SLC49A3: variants seen among roughly 807,000 people sequenced by gnomAD.
SLC49A3 encodes solute carrier family 49 member 3.
A neutral mutation model predicts 43.8 loss-of-function variants in SLC49A3; 50 were observed. The ratio of observed to expected loss-of-function variants is 1.14; its 90% confidence interval spans 0.91 to 1.45. SLC49A3 has a LOEUF of 1.45. SLC49A3 is among the 40% of genes most tolerant of loss of function. SLC49A3 has a pLI of 0.00. For missense variants in SLC49A3, 906 were observed against 774.1 expected (o/e 1.17, Z -2.02); for synonymous variants, 413 against 352.0 (o/e 1.17, Z -1.94).
chr4:687,147 G>C (rs1193930011), intron 1 of SLC49A3: 1 of 172,910 alleles, frequency 5.8e-6, no homozygotes, highest in South Asian at 1.2e-4. Context: ...CCAGCCACAG[G>C]CATTATCAAG....
chr4:678,189 T>C, downstream of SLC49A3: 2 of 1,530,116 alleles, frequency 1.3e-6, no homozygotes, highest in Non-Finnish European at 1.8e-6. Context: ...TGAGCGTGTG[T>C]ATGTGCGTGT....
At position 683,314 on chromosome 4, in the gene SLC49A3, G is replaced by C. The variant is rs61031375; in HGVS notation, c.1047C>G (p.Leu349=). 6.2e-7 allele frequency: 1 copy of C among 1,612,492 alleles called. No individual in the cohort carries two copies. Among genetic ancestry groups the C allele is most frequent in the Admixed American group, 1.7e-5 (1 of 59,984 alleles). ...GGCCCACCGAGAAGCCAAACAGCCC[G>C]AGCAGCGAGCAGGTGGCAGCCAGGG... ...TLALAATCSL[L]GLFGFSVGPV... The change falls in exon 8 of 10, where the codon CTC becomes CTG. Residue 349 remains leucine, a synonymous_variant. Transcript: ENST00000322224.
chr4:691,014 C>A (rs149565483), upstream of SLC49A3, among the ~76,000 whole-genome samples: 1 of 152,166 alleles, frequency 6.6e-6, no homozygotes, highest in Non-Finnish European at 1.5e-5. Context: ...GGGCCGGGTG[C>A]GGTGGCTCAC....
downstream of SLC49A3, chr4:676,832 C>T (rs778419972): frequency 1.6e-4 from 152 of 971,510 alleles, no homozygotes; most frequent in Middle Eastern, 1.1e-3. Context: ...ACCTTGCAGT[C>T]GGCCCCAGGT....
intron 1 of SLC49A3, among the ~76,000 whole-genome samples, chr4:686,965 C>T (rs532478466): frequency 1.3e-5 from 2 of 152,346 alleles, no homozygotes; most frequent in East Asian, 1.9e-4. Flanking sequence ...CACAGGACCA[C>T]GAGCCCTGCC....
At chr4:681,625 GCC>G (rs1169647280), downstream of SLC49A3, among the ~76,000 whole-genome samples, 1 of 15,044 alleles carries the variant, frequency 6.6e-5, no homozygotes, top group East Asian at 8.3e-3. Context: ...GCGCCGCCCC[GCC>G]CCCTCCAGCG....
downstream of SLC49A3, chr4:679,819 C>A: frequency 1.3e-5 from 13 of 975,876 alleles, no homozygotes; most frequent in East Asian, 2.5e-5. Context: ...CCCCACCCTT[C>A]CCATCTGCCT....
chr4:679,232 GAC>G (rs201016263), downstream of SLC49A3: 84 of 694,232 alleles, frequency 1.2e-4, no homozygotes, highest in African/African-American at 1.2e-3. Flanking sequence ...CCCAGGGTGA[GAC>G]AGGGTGGGTG....
downstream of SLC49A3, chr4:681,137 A>G (rs1739445067): frequency 6.2e-7 from 1 of 1,605,860 alleles, no homozygotes; most frequent in South Asian, 1.1e-5. Context: ...TGACGGCGGA[A>G]GAGGTCTGGC....
chr4:678,228 G>T, downstream of SLC49A3: 1 of 1,494,108 alleles, frequency 6.7e-7, no homozygotes, highest in Non-Finnish European at 9.0e-7. Flanking sequence ...GGGCTGTGCT[G>T]TGTTGTGGGA....
At chr4:677,971 A>T, downstream of SLC49A3, 1 of 1,613,214 alleles carries the variant, frequency 6.2e-7, no homozygotes, top group Non-Finnish European at 8.5e-7. Context: ...GCAGGAGCTT[A>T]AGATGGGCAA....
chr4:689,018 C>G lies in SLC49A3; in HGVS notation c.110G>C (p.Ser37Thr), dbSNP rs1197533581. 3 of 1,595,310 alleles carry G rather than the reference C, an allele frequency of 1.9e-6. No homozygotes were observed. Among genetic ancestry groups the G allele is most frequent in the African/African-American group, 1.4e-5 (1 of 72,714 alleles). The part of the protein sequence containing the change: ...ARRWVFLLAI[S>T]LLNCSNATLW... The stretch of plus-strand genomic sequence containing the variant: ...CGTGGCGTTGGAGCAGTTGAGCAGG[C>G]TGATCGCGAGCAGGAACACCCAGCG... The change falls in exon 1 of 10, where the codon AGC (serine) becomes ACC (threonine). Residue 37 changes from serine (S) to threonine (T), a missense_variant. Ser to Thr is a moderately conservative substitution (Grantham distance 58). Transcript: ENST00000322224.
At chr4:681,016 T>G, downstream of SLC49A3, 1 of 1,508,190 alleles carries the variant, frequency 6.6e-7, no homozygotes, top group Non-Finnish European at 9.0e-7. Flanking sequence ...CTGGGGCCCC[T>G]GGAGCACCTG....
intron 6 of SLC49A3, among the ~76,000 whole-genome samples, chr4:684,182 G>A (rs570932769): frequency 6.6e-5 from 10 of 152,344 alleles, no homozygotes; most frequent in East Asian, 3.9e-4. Flanking sequence ...CCACAGGGGC[G>A]GGGCCTTGCT....
Position 682,904 on chromosome 4 carries a change from G to A in SLC49A3, c.1152-14C>T. On this transcript the variant is annotated splice_polypyrimidine_tract_variant and intron_variant, in intron 8 of 9. Coordinates refer to ENST00000322224, the MANE Select transcript of SLC49A3 (RefSeq NM_032219.4). ...CCCTCGGCCTGCCTGGACACACGTG[G>A]CCCTCAGCCCCCGCTGCACTGCCCA... The A allele has an allele frequency of 6.4e-7, 1 of 1,569,406 alleles. No homozygotes were observed. The highest frequency in any genetic ancestry group is 8.7e-7 in the Non-Finnish European group (1 of 1,153,552).
At chr4:677,701 G>A (rs1425964508), downstream of SLC49A3, among the ~76,000 whole-genome samples, 1 of 152,200 alleles carries the variant, frequency 6.6e-6, no homozygotes, top group Non-Finnish European at 1.5e-5. Flanking sequence ...AGCCAAGAGC[G>A]TGTACAGGTG....
downstream of SLC49A3, chr4:678,494 G>C: frequency 2.8e-6 from 4 of 1,439,768 alleles, no homozygotes; most frequent in Non-Finnish European, 3.6e-6. Context: ...CCCAACCCCA[G>C]CTACCCAGGC....
At chr4:679,036 A>AG (rs1560153439), downstream of SLC49A3, 1 of 1,613,288 alleles carries the variant, frequency 6.2e-7, no homozygotes, top group East Asian at 2.2e-5. Context: ...CTCCCTGGGT[A>AG]GGTACCCAGG....
chr4:683,351 C>T lies in SLC49A3; in HGVS notation c.1010G>A (p.Gly337Glu), dbSNP rs1401463197. Residue 337 changes from glycine (G) to glutamate (E), a missense_variant, in exon 8 of 10, where the codon GGA (glycine) becomes GAA (glutamate). By Grantham distance (98) the Gly-to-Glu change is moderately conservative. Transcript: ENST00000322224. ...GGTGGCAGCCAGGGCAAGGGTCTGTCCCTGCAGCTGGGACACCTGGGAGCA... is the reference window on the plus strand; with the variant it reads ...GGTGGCAGCCAGGGCAAGGGTCTGTTCCTGCAGCTGGGACACCTGGGAGCA... ...VPFALVSQLQ[G>E]QTLALAATCS... 8.1e-6 allele frequency: 13 copies of T among 1,610,802 alleles called. No homozygotes were observed. The highest frequency in any genetic ancestry group is 1.3e-5 in the African/African-American group (1 of 74,840).
Sources: gnomAD v4.1 joint callset for allele counts (sites outside exome capture counted in the v4.1 genomes callset) on GRCh38, gnomAD v4.1.1 for gene constraint, MANE v1.5 for transcripts, NCBI Gene and HGNC (gene_info 2026-07-23, HGNC 2026-07-21) for gene names.